The following GPR160 variants were observed in gnomAD, a reference collection of about 807,000 sequenced individuals.
GPR160 encodes the protein probable G protein-coupled receptor 160.
GPR160 carries 2 observed loss-of-function variants against 2.6 expected under a neutral mutation model. The observed-to-expected ratio is 0.77, with a 90% CI of 0.32 to 2.44. The LOEUF is 2.44. Among genes scored for constraint, GPR160 ranks in the 30% most tolerant of loss-of-function variants. The probability of loss-of-function intolerance (pLI) is 0.11; values close to 1 mark genes in which losing one functional copy is unlikely to be tolerated. For synonymous variants in GPR160, 130 were observed against 132.2 expected, an observed-to-expected ratio of 0.98 and a Z score of 0.12; for missense variants, 351 against 383.6, an observed-to-expected ratio of 0.91 and a Z score of 0.71.
In GPR160 at chr3:170,084,526, T is replaced by TGTCA. The variant is rs148479791; in HGVS notation, c.555_558dup (p.Phe187ValfsTer34). 1.1e-5 allele frequency: 18 copies of TGTCA among 1,612,658 alleles called. No individual in the cohort carries two copies. The highest frequency in any genetic ancestry group is 1.6e-4 in the Middle Eastern group (1 of 6,078). Reference sequence around the variant, plus strand: ...TATGTCAGCATTCAGAGTTACTGGCTGTCATTTTTCATGGTGATGATTTTA... The same window carrying TGTCA: ...TATGTCAGCATTCAGAGTTACTGGCTGTCAGTCATTTTTCATGGTGATGATTTTA... On this transcript the variant is annotated frameshift_variant, in exon 4 of 4. Coordinates refer to ENST00000355897, the MANE Select transcript of GPR160 (RefSeq NM_014373.3). LOFTEE classifies it low-confidence loss of function (END_TRUNC).
intron 2 of GPR160, among the ~76,000 whole-genome samples, chr3:170,049,429 G>A (rs1401739881): frequency 2.6e-5 from 4 of 152,290 alleles, no homozygotes; most frequent in South Asian, 2.1e-4. Flanking sequence ...AACTGCTTCC[G>A]CAGTAATTAT....
At chr3:170,062,908 C>T (rs1289814229) in intron 2 of GPR160, 5 of 363,894 alleles carry the variant, frequency 1.4e-5, no homozygotes, top group Non-Finnish European at 2.5e-5. Context: ...CCCGGGGCGC[C>T]TTTGTGGTAG....
At chr3:170,065,803 T>C (rs895188139) in intron 2 of GPR160, among the ~76,000 whole-genome samples, 9 of 152,248 alleles carry the variant, frequency 5.9e-5, no homozygotes, top group Admixed American at 1.3e-4. Context: ...GTTTAATTTT[T>C]TGAATACTTA....
At chr3:170,064,408 C>A (rs1245227899) in intron 2 of GPR160, among the ~76,000 whole-genome samples, 1 of 151,942 alleles carries the variant, frequency 6.6e-6, no homozygotes, top group Admixed American at 6.6e-5. Context: ...CCGAGACCCC[C>A]GGGAATCTAA....
intron 2 of GPR160, among the ~76,000 whole-genome samples, chr3:170,048,367 C>T (rs981787113): frequency 6.6e-6 from 1 of 152,154 alleles, no homozygotes; most frequent in Non-Finnish European, 1.5e-5. Flanking sequence ...TACCACTGTA[C>T]AGTTCATCTA....
At chr3:170,042,828 TA>T (rs763216364) in intron 2 of GPR160, among the ~76,000 whole-genome samples, 2,390 of 107,984 alleles carry the variant, frequency 0.022, 68 homozygotes, top group African/African-American at 0.077. Flanking sequence ...CTCTCTCTCT[TA>T]AAAAAAAAAA....
In GPR160 at chr3:170,038,401, G is replaced by T; in HGVS notation, c.-322+186G>T. 6.6e-6 allele frequency: 1 copy of T among 152,352 alleles called. No individual in the cohort carries two copies. Among genetic ancestry groups the T allele is most frequent in the Non-Finnish European group, 1.5e-5 (1 of 68,128 alleles). The allele number at this position is 152,352 out of a possible 1,614,324, so 9.4% of individuals were successfully genotyped here. A position where few individuals can be genotyped will look rare whatever the true frequency, so the allele number is the denominator to read the frequency against. On this transcript the variant is annotated intron_variant, in intron 1 of 3. Coordinates refer to ENST00000355897, the MANE Select transcript of GPR160 (RefSeq NM_014373.3). The surrounding 1 kb of genome is among the most constrained non-coding windows in gnomAD (Gnocchi z 5.3). ...GGTTCTCTGCTACTTAAGAGATCCA[G>T]GAGTGGAGCCCGGACGCCCGAGCCT...
In GPR160 at chr3:170,080,250, C is replaced by T. The variant is rs559493012; in HGVS notation, c.-69+353C>T. ...AAAAACAAAATATTGGAATTTTGAA[C>T]ACTTATAGTGGTTTACAGGGTAATT... On this transcript the variant is annotated intron_variant, in intron 3 of 3. Transcript: ENST00000355897. 1.3e-4 allele frequency among the ~76,000 whole-genome samples: 20 copies of T among 152,254 alleles called. No homozygotes were observed. The South Asian group carries it at 3.3e-3, about 25-fold the overall frequency.
chr3:170,058,142 A>G (rs1009336678), intron 2 of GPR160: 3 of 152,242 alleles, frequency 2.0e-5, no homozygotes, highest in Admixed American at 2.0e-4. Context: ...ACAGTTTTGT[A>G]TTAAGTCAAG....
intron 2 of GPR160, among the ~76,000 whole-genome samples, chr3:170,075,815 A>AC (rs1712823000): frequency 6.6e-6 from 1 of 152,070 alleles, no homozygotes; most frequent in African/African-American, 2.4e-5. Context: ...TCTATCCCCT[A>AC]CCTTGAGATA....
intron 2 of GPR160, among the ~76,000 whole-genome samples, chr3:170,059,114 G>T (rs769642579): frequency 1.3e-4 from 20 of 151,970 alleles, no homozygotes; most frequent in Non-Finnish European, 2.8e-4. Flanking sequence ...AATGATAGGG[G>T]GTGGGTGGAT....
chr3:170,052,990 A>G (rs1717023125), intron 2 of GPR160, among the ~76,000 whole-genome samples: 1 of 152,010 alleles, frequency 6.6e-6, no homozygotes, highest in Non-Finnish European at 1.5e-5. Context: ...ATTGAATTGC[A>G]TTGGTACTTT....
At chr3:170,054,917 C>T (rs528502635) in intron 2 of GPR160, among the ~76,000 whole-genome samples, 1 of 152,154 alleles carries the variant, frequency 6.6e-6, no homozygotes, top group South Asian at 2.1e-4. Flanking sequence ...CCTCAGCCTC[C>T]CTAGTAGCTG....
At chr3:170,083,691 T>C (rs998462220) in intron 3 of GPR160, among the ~76,000 whole-genome samples, 1 of 152,198 alleles carries the variant, frequency 6.6e-6, no homozygotes, top group South Asian at 2.1e-4. Context: ...GGTTTAAAAA[T>C]CTCTGAGTTC....
chr3:170,041,579 C>G (rs1279416576), intron 2 of GPR160, among the ~76,000 whole-genome samples: 1 of 152,138 alleles, frequency 6.6e-6, no homozygotes, highest in Non-Finnish European at 1.5e-5. Flanking sequence ...CGCGCCCGGC[C>G]GTAAAGATGT....
intron 2 of GPR160, among the ~76,000 whole-genome samples, chr3:170,072,433 G>A (rs1364703718): frequency 6.6e-6 from 1 of 152,082 alleles, no homozygotes; most frequent in African/African-American, 2.4e-5. Context: ...TTAAATTTCC[G>A]TTGTTTCTTT....
intron 2 of GPR160, among the ~76,000 whole-genome samples, chr3:170,050,948 A>G (rs760851774): frequency 2.0e-5 from 3 of 152,096 alleles, no homozygotes; most frequent in East Asian, 1.9e-4. Flanking sequence ...GTTAGTATGG[A>G]CCTTATTTGT....
At chr3:170,071,523 T>G (rs1239397255) in intron 2 of GPR160, among the ~76,000 whole-genome samples, 1 of 152,100 alleles carries the variant, frequency 6.6e-6, no homozygotes, top group Non-Finnish European at 1.5e-5. Context: ...CCAGGCACAG[T>G]GGCTGACGCC....
chr3:170,083,228 A>T (rs988988909), intron 3 of GPR160: 6 of 151,910 alleles, frequency 3.9e-5, no homozygotes, highest in African/African-American at 1.5e-4. Context: ...ACCGCTTCCT[A>T]ATGTTCTCAT....
Sources: allele counts gnomAD v4.1 joint callset (sites outside exome capture counted in the v4.1 genomes callset), GRCh38; gene constraint gnomAD v4.1.1; non-coding constraint Gnocchi (gnomAD v3.1); transcripts MANE v1.5; gene names NCBI Gene and HGNC (gene_info 2026-07-23, HGNC 2026-07-21).